DNAH5: variants seen among roughly 807,000 people sequenced by gnomAD.
The protein encoded by DNAH5 is dynein axonemal heavy chain 5, also known as axonemal beta dynein heavy chain 5.
Under a neutral mutation model 518.2 loss-of-function variants are expected in DNAH5, and 372 were observed. That is an observed-to-expected ratio of 0.72 (90% CI 0.66 to 0.78). The LOEUF (loss-of-function observed/expected upper bound fraction) is 0.78, where lower values mean the gene tolerates loss of function less well. DNAH5 is among the 30% of genes least tolerant of loss of function. The pLI, the probability that DNAH5 is intolerant of heterozygous loss-of-function variation, is 0.00. For missense variants in DNAH5, 5,523 were observed against 5,687.0 expected, an observed-to-expected ratio of 0.97 and a Z score of 0.93; for synonymous variants, 2,039 against 2,025.9, an observed-to-expected ratio of 1.01 and a Z score of -0.17.
chr5:13,996,527 T>C (rs562225788), intron 1 of DNAH5, among the ~76,000 whole-genome samples: 1 of 152,290 alleles, frequency 6.6e-6, no homozygotes, highest in African/African-American at 2.4e-5. Flanking sequence ...AAATATAATT[T>C]TGGGACAGAC....
intron 1 of DNAH5, among the ~76,000 whole-genome samples, chr5:14,001,704 T>G (rs927185527): frequency 5.3e-5 from 8 of 151,232 alleles, no homozygotes; most frequent in Non-Finnish European, 1.2e-4. Context: ...GGATACTTTA[T>G]AACTGAAAGG....
At chr5:13,810,685 C>T (rs1474403387) in intron 44 of DNAH5, among the ~76,000 whole-genome samples, 1 of 151,144 alleles carries the variant, frequency 6.6e-6, no homozygotes, top group Non-Finnish European at 1.5e-5. Context: ...ACTTGGGAGG[C>T]GGAGCTTGCA....
At chr5:13,870,637 A>G in intron 24 of DNAH5, 130 bp downstream of exon 24, 1 of 893,164 alleles carries the variant, frequency 1.1e-6, no homozygotes, top group Middle Eastern at 3.2e-4. Context: ...CGGTATCATC[A>G]ACAATATTGA....
Position 13,935,132 on chromosome 5 carries a change from A to G in DNAH5, c.58-3888T>C, listed in dbSNP as rs1778806937. 2.0e-5 allele frequency among the ~76,000 whole-genome samples: 3 copies of G among 152,232 alleles called. No homozygotes were observed. The South Asian group carries it at 6.2e-4, about 31-fold the overall frequency. The stretch of plus-strand genomic sequence containing the variant: ...AAAACTAAAAATAAAAGAAGTAGAC[A>G]GCCAGAAGATTCAAGATGTAAAGGA... On this transcript the variant is annotated intron_variant, in intron 1 of 78. Coordinates refer to ENST00000265104, the MANE Select transcript of DNAH5 (RefSeq NM_001369.3).
chr5:13,755,706 C>A (rs2401808), intron 61 of DNAH5, among the ~76,000 whole-genome samples: 1 of 152,028 alleles, frequency 6.6e-6, no homozygotes, highest in Non-Finnish European at 1.5e-5. Context: ...CTACTCACAT[C>A]TGTTTGTTTC....
intron 2 of DNAH5, among the ~76,000 whole-genome samples, chr5:13,928,936 G>T (rs79716918): frequency 6.6e-6 from 1 of 152,102 alleles, no homozygotes; most frequent in Non-Finnish European, 1.5e-5. Flanking sequence ...CAGTATGAAG[G>T]CTCCTTAAAA....
intron 1 of DNAH5, among the ~76,000 whole-genome samples, chr5:13,943,755 G>A (rs1283475185): frequency 1.3e-5 from 2 of 152,234 alleles, no homozygotes; most frequent in African/African-American, 4.8e-5. Flanking sequence ...ATCAAGCCCA[G>A]TAGGAAGCAT....
chr5:13,824,846 T>A (rs1283123685), intron 38 of DNAH5, among the ~76,000 whole-genome samples: 2 of 152,120 alleles, frequency 1.3e-5, no homozygotes, highest in African/African-American at 4.8e-5. Flanking sequence ...AAGGACAAAT[T>A]AGAAAGCTAA....
At chr5:13,743,979 G>A (rs1473725929) in intron 65 of DNAH5, among the ~76,000 whole-genome samples, 3 of 151,972 alleles carry the variant, frequency 2.0e-5, no homozygotes, top group Middle Eastern at 3.2e-3. Context: ...TCCCACCACT[G>A]GGCATTTATT....
intron 55 of DNAH5, among the ~76,000 whole-genome samples, chr5:13,772,147 A>G (rs773018189): frequency 7.9e-5 from 12 of 152,186 alleles, no homozygotes; most frequent in Non-Finnish European, 1.3e-4. Flanking sequence ...CATACTTATG[A>G]TACATTTTGT....
At chr5:13,912,553 C>A (rs1277134532) in intron 11 of DNAH5, among the ~76,000 whole-genome samples, 1 of 151,236 alleles carries the variant, frequency 6.6e-6, no homozygotes, top group African/African-American at 2.4e-5. Context: ...CCCTTAAAAT[C>A]AAAAGAATCA....
In DNAH5 at chr5:13,830,149, G is replaced by C. The variant is rs1763441290; in HGVS notation, c.6126C>G (p.Leu2042=). 1.2e-6 allele frequency: 2 copies of C among 1,614,044 alleles called. No homozygotes were observed. The highest frequency in any genetic ancestry group is 1.1e-5 in the South Asian group (1 of 91,066). The part of the protein sequence containing the change: ...DEFNRIDLPV[L]SVAAQQISII... ...TGGAAATTTGCTGGGCTGCAACCGA[G>C]AGAACTGGTAGATCAATACGGTTAA... Residue 2042 remains leucine (L), a synonymous_variant, in exon 37 of 79, where the codon CTC becomes CTG. Coordinates refer to ENST00000265104, the MANE Select transcript of DNAH5 (RefSeq NM_001369.3).
intron 12 of DNAH5, among the ~76,000 whole-genome samples, chr5:13,906,494 T>C (rs1405809888): frequency 6.6e-6 from 1 of 152,184 alleles, no homozygotes; most frequent in Non-Finnish European, 1.5e-5. Context: ...AAGTGTGATA[T>C]AGTGACATCA....
intron 12 of DNAH5, among the ~76,000 whole-genome samples, chr5:13,904,564 G>A (rs915874272): frequency 1.1e-4 from 17 of 151,298 alleles, no homozygotes; most frequent in African/African-American, 3.2e-4. Flanking sequence ...TGTATTATAC[G>A]TATATAATCC....
chr5:13,842,049 A>AT (rs1441133653), intron 32 of DNAH5, 145 bp from the exon 33 acceptor site: 5 of 592,466 alleles, frequency 8.4e-6, no homozygotes, highest in African/African-American at 4.7e-5. Context: ...CTTCAAAACA[A>AT]TAAAAAAAAA....
intron 30 of DNAH5, among the ~76,000 whole-genome samples, chr5:13,855,679 T>A (rs1767531474): frequency 6.6e-6 from 1 of 152,142 alleles, no homozygotes. Context: ...CCACCCCAAA[T>A]CAACAGAATA....
chr5:13,770,696 C>G, intron 56 of DNAH5, 53 bp downstream of exon 56: 3 of 1,536,462 alleles, frequency 2.0e-6, no homozygotes, highest in Non-Finnish European at 2.7e-6. Flanking sequence ...AAATCTGTCC[C>G]TGGTTGAGAG....
intron 55 of DNAH5, among the ~76,000 whole-genome samples, chr5:13,771,666 C>T (rs975961554): frequency 6.6e-6 from 1 of 152,158 alleles, no homozygotes; most frequent in South Asian, 2.1e-4. Context: ...TGTTGCGGAG[C>T]CACCACTGCG....
rs529422123 is a variant in DNAH5, at chr5:13,703,960, T to C, written c.13339-2524A>G. Among the ~76,000 whole-genome samples, 3 of 152,308 alleles carry C rather than the reference T, an allele frequency of 2.0e-5. No homozygotes were observed. The East Asian group carries it at 5.8e-4, about 29-fold the overall frequency. On this transcript the variant is annotated intron_variant, in intron 76 of 78. Coordinates refer to ENST00000265104, the MANE Select transcript of DNAH5 (RefSeq NM_001369.3). ...GAAAGTCTAGACCTGGGGTGCCTTG[T>C]CCATCTCCCTTCCCTCTGCTGTGAT...
Sources: allele counts gnomAD v4.1 joint callset (sites outside exome capture counted in the v4.1 genomes callset), GRCh38; gene constraint gnomAD v4.1.1; transcripts MANE v1.5; gene names NCBI Gene and HGNC (gene_info 2026-07-23, HGNC 2026-07-21).